Variants in PTPRQ observed in about 807,000 individuals in gnomAD.
PTPRQ encodes phosphatidylinositol phosphatase PTPRQ.
Under a neutral mutation model 246.0 loss-of-function variants are expected in PTPRQ, and 199 were observed. The observed-to-expected ratio is 0.81, with a 90% CI of 0.72 to 0.91. The LOEUF is 0.91. Among genes scored for constraint, PTPRQ ranks in the 40% least tolerant of loss-of-function variants. The pLI is 0.00. For missense variants in PTPRQ, 2,624 were observed against 2,528.4 expected (o/e 1.04, Z -0.81); for synonymous variants, 869 against 853.2 (o/e 1.02, Z -0.32).
At position 80,674,906 on chromosome 12, in the gene PTPRQ, G is replaced by A. The variant is rs114255277; in HGVS notation, c.6738+1602G>A. On this transcript the variant is annotated intron_variant, in intron 43 of 44. Coordinates refer to ENST00000644991, the MANE Select transcript of PTPRQ (RefSeq NM_001145026.2). ...TAGTATGGCTACAAGAGTATTCCAG[G>A]AGTATGATGAATGTGTTAGTCTTGC... Among the ~76,000 whole-genome samples the A allele has an allele frequency of 9.6e-3, 1,460 of 152,150 alleles. 21 individuals carry two copies. Among genetic ancestry groups the A allele is most frequent in the African/African-American group, 0.033 (1,359 of 41,500 alleles).
At chr12:80,678,814 G>GT (rs1901227249) in intron 44 of PTPRQ, 89 bp downstream of exon 44, 2 of 1,449,574 alleles carry the variant, frequency 1.4e-6, no homozygotes, top group South Asian at 3.2e-5. Context: ...TGTTAAAAAT[G>GT]TTTAAGAAGC....
Position 80,546,564 on chromosome 12 carries a change from A to G in PTPRQ, c.3882A>G (p.Ser1294=). ...TTTTTTCTGTTTTTCAGAATATATCAGGATTTAAAACTGAAGCCAAACTTG... is the reference window on the plus strand; with the variant it reads ...TTTTTTCTGTTTTTCAGAATATATCGGGATTTAAAACTGAAGCCAAACTTG... ...ETDTIYYKNI[S]GFKTEAKLVG... is the part of the protein sequence containing the mutation. The change falls in exon 24 of 45, where the codon TCA becomes TCG. Residue 1294 remains serine (S), a synonymous_variant. Transcript: ENST00000644991. The G allele has an allele frequency of 6.5e-7, 1 of 1,546,734 alleles. No homozygotes were observed. The highest frequency in any genetic ancestry group is 8.7e-7 in the Non-Finnish European group (1 of 1,145,796).
chr12:80,534,888 A>G lies in PTPRQ; in HGVS notation c.2840-4A>G, dbSNP rs1383240346. 15 of 1,546,470 alleles carry G rather than the reference A, an allele frequency of 9.7e-6. No individual in the cohort carries two copies. The highest frequency in any genetic ancestry group is 8.7e-6 in the Non-Finnish European group (10 of 1,145,072). ...AGTAATTTGTTCAATTATTTGTTTT[A>G]TAGCACCAAGCGATCCTCCCAAAGA... On this transcript the variant is annotated splice_region_variant and splice_polypyrimidine_tract_variant and intron_variant, in intron 18 of 44. Coordinates refer to ENST00000644991, the MANE Select transcript of PTPRQ (RefSeq NM_001145026.2).
Position 80,622,116 on chromosome 12 carries a change from G to A in PTPRQ, c.5668G>A (p.Asp1890Asn). The change falls in exon 33 of 45, where the codon GAC (aspartate) becomes AAC (asparagine). Residue 1890 changes from aspartate (D) to asparagine (N), a missense_variant. Transcript: ENST00000644991. ...ACAATTTACTGACTCTGATTATTCT[G>A]ACCCTGTTAAGACTTTAGGTAAGAC... ...MGQFTDSDYS[D>N]PVKTLGEGLS... is the part of the protein sequence containing the mutation. 6.9e-7 allele frequency: 1 copy of A among 1,444,414 alleles called. No individual in the cohort carries two copies. The highest frequency in any genetic ancestry group is 1.5e-5 in the South Asian group (1 of 66,160). The allele number at this position is 1,444,414 out of a possible 1,614,324, so 89.5% of individuals were successfully genotyped here.
At chr12:80,547,382 T>G (rs1283117770) in intron 24 of PTPRQ, among the ~76,000 whole-genome samples, 2 of 152,136 alleles carry the variant, frequency 1.3e-5, no homozygotes, top group Non-Finnish European at 2.9e-5. Context: ...TTTTGTTTAC[T>G]TCTGTCAATG....
chr12:80,665,623 C>T (rs1330570416), intron 39 of PTPRQ, among the ~76,000 whole-genome samples: 2 of 151,880 alleles, frequency 1.3e-5, no homozygotes, highest in African/African-American at 2.4e-5. Context: ...AAGTAAAAAT[C>T]ATATGCACAC....
At chr12:80,672,827 G>A in intron 42 of PTPRQ, among the ~76,000 whole-genome samples, 1 of 151,944 alleles carries the variant, frequency 6.6e-6, no homozygotes, top group East Asian at 1.9e-4. Context: ...TGAATATTTG[G>A]TCAATACAGA....
Position 80,445,619 on chromosome 12 carries a change from C to T in PTPRQ, c.292C>T (p.Pro98Ser), listed in dbSNP as rs1003677730. 3.9e-6 allele frequency: 6 copies of T among 1,549,750 alleles called. No homozygotes were observed. The African/African-American group carries it at 8.2e-5, about 21-fold the overall frequency. Residue 98 changes from proline to serine, a missense_variant, in exon 3 of 45, where the codon CCG becomes TCG. Coordinates refer to ENST00000644991, the MANE Select transcript of PTPRQ (RefSeq NM_001145026.2). ...SYIVKYKEVCPWMQTVYTQVR... is the reference protein window; with the variant it reads ...SYIVKYKEVCSWMQTVYTQVR... ...CATTGTCAAATATAAGGAAGTTTGT[C>T]CGTGGATGCAAACAGTATATACACA...
At chr12:80,490,768 T>G (rs1447343220) in intron 9 of PTPRQ, among the ~76,000 whole-genome samples, 1 of 151,922 alleles carries the variant, frequency 6.6e-6, no homozygotes, top group Non-Finnish European at 1.5e-5. Context: ...TGCAATGGAC[T>G]TTTTTCCCTC....
intron 26 of PTPRQ, among the ~76,000 whole-genome samples, chr12:80,598,590 T>C (rs1898044937): frequency 6.6e-6 from 1 of 151,930 alleles, no homozygotes; most frequent in African/African-American, 2.4e-5. Context: ...CGACTTGTAG[T>C]CCTTGAAGTT....
At chr12:80,555,815 T>C (rs182938418) in intron 25 of PTPRQ, among the ~76,000 whole-genome samples, 312 of 152,326 alleles carry the variant, frequency 2.0e-3, no homozygotes, top group Non-Finnish European at 2.7e-3. Context: ...TTTACACTTC[T>C]TGTAGTGCAG....
intron 25 of PTPRQ, among the ~76,000 whole-genome samples, chr12:80,580,986 T>G (rs1179688712): frequency 6.6e-6 from 1 of 152,190 alleles, no homozygotes; most frequent in Admixed American, 6.5e-5. Flanking sequence ...CGAATATTGA[T>G]CTGCTGAAAA....
intron 7 of PTPRQ, among the ~76,000 whole-genome samples, chr12:80,471,473 C>CTTTT (rs1364723133): frequency 5.3e-5 from 2 of 37,998 alleles, no homozygotes; most frequent in African/African-American, 2.3e-4. Flanking sequence ...AATTATTTAG[C>CTTTT]ATTTTTTTTT....
At chr12:80,455,888 C>T (rs900454354) in intron 3 of PTPRQ, among the ~76,000 whole-genome samples, 11 of 151,934 alleles carry the variant, frequency 7.2e-5, no homozygotes, top group African/African-American at 1.9e-4. Flanking sequence ...TGTGAGCCAC[C>T]GCGCCCAGCC....
chr12:80,501,871 A>T (rs544372053), intron 14 of PTPRQ, among the ~76,000 whole-genome samples: 179 of 151,990 alleles, frequency 1.2e-3, no homozygotes, highest in African/African-American at 3.7e-3. Flanking sequence ...GTCATTGGTG[A>T]CTTCACAGGA....
chr12:80,582,836 C>T (rs1897487780), intron 25 of PTPRQ, among the ~76,000 whole-genome samples: 1 of 152,106 alleles, frequency 6.6e-6, no homozygotes, highest in Non-Finnish European at 1.5e-5. Context: ...GCCTGTGCAA[C>T]AGAGTGAGAC....
intron 8 of PTPRQ, among the ~76,000 whole-genome samples, chr12:80,483,084 T>C (rs1269243313): frequency 3.2e-5 from 4 of 125,346 alleles, no homozygotes; most frequent in African/African-American, 1.0e-4. Flanking sequence ...CACGTATGTT[T>C]ATTGTGGCAC....
chr12:80,532,468 G>A (rs1895872660), intron 17 of PTPRQ, among the ~76,000 whole-genome samples: 1 of 152,002 alleles, frequency 6.6e-6, no homozygotes, highest in South Asian at 2.1e-4. Context: ...TGATCCAACC[G>A]CCTTGGTCTC....
intron 16 of PTPRQ, among the ~76,000 whole-genome samples, chr12:80,509,625 GCTGA>G (rs1303368931): frequency 6.6e-6 from 1 of 151,990 alleles, no homozygotes; most frequent in Non-Finnish European, 1.5e-5. Flanking sequence ...TATAAAGTTG[GCTGA>G]CTATTTTGCA....
Sources: gnomAD v4.1 joint callset for allele counts (sites outside exome capture counted in the v4.1 genomes callset) on GRCh38, gnomAD v4.1.1 for gene constraint, MANE v1.5 for transcripts, NCBI Gene and HGNC (gene_info 2026-07-23, HGNC 2026-07-21) for gene names.